Variants in LINGO2 observed in about 807,000 individuals in gnomAD.
The protein encoded by LINGO2 is leucine rich repeat and Ig domain containing 2, also known as leucine-rich repeat and immunoglobulin-like domain-containing nogo receptor-interacting protein 2.
In LINGO2, 14 loss-of-function variants were observed where a neutral mutation model predicts 30.6. The ratio of observed to expected loss-of-function variants is 0.46; its 90% CI spans 0.30 to 0.72. The LOEUF is 0.72. Ranked by LOEUF, LINGO2 falls within the 30% of genes least tolerant of loss-of-function variation. The pLI is 0.07. For missense variants in LINGO2, 729 were observed against 751.7 expected, an observed-to-expected ratio of 0.97 and a Z score of 0.35; for synonymous variants, 317 against 288.5, an observed-to-expected ratio of 1.10 and a Z score of -1.00.
At chr9:28,133,403 T>TA (rs1440232127) in intron 4 of LINGO2, among the ~76,000 whole-genome samples, 1 of 152,144 alleles carries the variant, frequency 6.6e-6, no homozygotes, top group African/African-American at 2.4e-5. Flanking sequence ...GGGATCCTAT[T>TA]AGACATTCAT....
At position 27,963,531 on chromosome 9, in the gene LINGO2, G is replaced by A. The variant is rs115834757; in HGVS notation, c.-35-12825C>T. Reference sequence around the variant, plus strand: ...AGGAAACAGCTGCTTTGATGGATAAGGTAATGATAAATTGCTTAGCCTGGA... The same window carrying A: ...AGGAAACAGCTGCTTTGATGGATAAAGTAATGATAAATTGCTTAGCCTGGA... On this transcript the variant is annotated intron_variant, in intron 5 of 5. Transcript: ENST00000379992. 5.5e-3 allele frequency among the ~76,000 whole-genome samples: 844 copies of A among 152,104 alleles called. 7 individuals are homozygous for A. The highest frequency in any genetic ancestry group is 0.019 in the African/African-American group (794 of 41,522).
At chr9:28,722,648 G>A in the LINGO2 span, among the ~76,000 whole-genome samples, 10 of 152,100 alleles carry the variant, frequency 6.6e-5, no homozygotes, top group Non-Finnish European at 5.9e-5. Context: ...TTCTGAAACA[G>A]GAATGCTAAA....
At chr9:28,347,591 T>A (rs577939253) in intron 3 of LINGO2, among the ~76,000 whole-genome samples, 1 of 152,322 alleles carries the variant, frequency 6.6e-6, no homozygotes, top group Admixed American at 6.5e-5. Context: ...ATAAGGTCCC[T>A]TCTGTCATTG....
At chr9:28,206,950 G>C (rs759169757) in intron 4 of LINGO2, among the ~76,000 whole-genome samples, 4 of 152,018 alleles carry the variant, frequency 2.6e-5, no homozygotes, top group Non-Finnish European at 5.9e-5. Context: ...TTTAGACCCT[G>C]GATATTAGTC....
At chr9:28,918,809 A>G in the LINGO2 span, among the ~76,000 whole-genome samples, 1 of 152,190 alleles carries the variant, frequency 6.6e-6, no homozygotes, top group East Asian at 1.9e-4. Context: ...ACAACAAACT[A>G]GGACATAAAC....
the LINGO2 span, among the ~76,000 whole-genome samples, chr9:28,736,445 C>T: frequency 6.6e-6 from 1 of 152,100 alleles, no homozygotes; most frequent in Non-Finnish European, 1.5e-5. Flanking sequence ...CTCTTAGCTT[C>T]GACTTCTTCA....
chr9:29,108,511 G>C, the LINGO2 span, among the ~76,000 whole-genome samples: 2 of 152,216 alleles, frequency 1.3e-5, no homozygotes, highest in East Asian at 3.9e-4. Context: ...TAACAGCAAG[G>C]AGCAAAGATG....
intron 3 of LINGO2, among the ~76,000 whole-genome samples, chr9:28,353,443 C>G (rs1321399710): frequency 1.5e-4 from 23 of 151,720 alleles, no homozygotes; most frequent in Admixed American, 5.3e-4. Context: ...CAAATCAAAA[C>G]CACAATGAGA....
At chr9:28,156,241 A>G (rs1408819048) in intron 4 of LINGO2, among the ~76,000 whole-genome samples, 1 of 152,214 alleles carries the variant, frequency 6.6e-6, no homozygotes, top group Admixed American at 6.5e-5. Flanking sequence ...AAGGTCCAGC[A>G]TATCCTCCCT....
chr9:28,480,912 G>C (rs1825936637), intron 1 of LINGO2, among the ~76,000 whole-genome samples: 2 of 151,998 alleles, frequency 1.3e-5, no homozygotes, highest in Non-Finnish European at 2.9e-5. Flanking sequence ...GCCCCTTACT[G>C]CAACAATTTC....
chr9:28,862,797 C>T, the LINGO2 span, among the ~76,000 whole-genome samples: 4 of 152,092 alleles, frequency 2.6e-5, no homozygotes, highest in East Asian at 3.9e-4. Context: ...AAATAAAAAA[C>T]GGTAAAACCA....
chr9:28,002,791 T>A (rs1822028515), intron 5 of LINGO2, among the ~76,000 whole-genome samples: 1 of 152,214 alleles, frequency 6.6e-6, no homozygotes, highest in African/African-American at 2.4e-5. Flanking sequence ...ATTCTCCCCG[T>A]CAGTGGGTTT....
the LINGO2 span, among the ~76,000 whole-genome samples, chr9:28,817,321 C>T: frequency 6.6e-6 from 1 of 152,158 alleles, no homozygotes; most frequent in Non-Finnish European, 1.5e-5. Flanking sequence ...GCTATCTTAA[C>T]TAAGTTATGC....
intron 3 of LINGO2, among the ~76,000 whole-genome samples, chr9:28,332,375 T>C (rs1825451692): frequency 6.6e-6 from 1 of 152,186 alleles, no homozygotes; most frequent in African/African-American, 2.4e-5. Flanking sequence ...CTTTGACCCT[T>C]ACCTGGCCTG....
At chr9:28,289,735 C>T (rs1026986395) in intron 4 of LINGO2, among the ~76,000 whole-genome samples, 2 of 152,098 alleles carry the variant, frequency 1.3e-5, no homozygotes, top group Admixed American at 6.6e-5. Flanking sequence ...GACTAAATAT[C>T]CCAATATTTA....
At chr9:28,814,741 A>G in the LINGO2 span, among the ~76,000 whole-genome samples, 1 of 152,134 alleles carries the variant, frequency 6.6e-6, no homozygotes, top group Non-Finnish European at 1.5e-5. Context: ...CAACAAAATT[A>G]GCCGGGCATG....
the LINGO2 span, among the ~76,000 whole-genome samples, chr9:29,073,349 T>A: frequency 2.6e-5 from 4 of 152,170 alleles, no homozygotes; most frequent in East Asian, 7.8e-4. Context: ...ATGTGTTAAG[T>A]AATGGGGGAA....
chr9:28,258,474 C>A (rs904395685), intron 4 of LINGO2, among the ~76,000 whole-genome samples: 1 of 151,852 alleles, frequency 6.6e-6, no homozygotes, highest in Non-Finnish European at 1.5e-5. Context: ...TGCAAAAAAA[C>A]TTTTCTGGAC....
the LINGO2 span, among the ~76,000 whole-genome samples, chr9:29,055,940 G>GTATATATATATATGTATATA: frequency 4.4e-4 from 53 of 120,008 alleles, no homozygotes; most frequent in South Asian, 1.0e-3. Context: ...ATGTGTGTGT[G>GTATATATATATATGTATATA]TATATATACA....
Sources: gnomAD v4.1 joint callset for allele counts (sites outside exome capture counted in the v4.1 genomes callset) on GRCh38, gnomAD v4.1.1 for gene constraint, MANE v1.5 for transcripts, NCBI Gene and HGNC (gene_info 2026-07-23, HGNC 2026-07-21) for gene names.